Variants in GRIK4 observed in about 807,000 individuals in gnomAD.
The protein encoded by GRIK4 is glutamate ionotropic receptor kainate type subunit 4.
GRIK4 carries 40 observed loss-of-function variants against 104.9 expected under a neutral mutation model. The observed-to-expected ratio is 0.38, with a 90% CI of 0.30 to 0.50. GRIK4 has a LOEUF of 0.50. Among genes scored for constraint, GRIK4 ranks in the 20% least tolerant of loss-of-function variants. GRIK4 has a pLI of 0.93. For missense variants in GRIK4, 1,047 were observed against 1,308.1 expected (o/e 0.80, Z 3.08); for synonymous variants, 485 against 524.9 (o/e 0.92, Z 1.04).
At chr11:120,536,894 AC>A (rs2136084937) in intron 1 of GRIK4, among the ~76,000 whole-genome samples, 1 of 152,322 alleles carries the variant, frequency 6.6e-6, no homozygotes, top group Admixed American at 6.5e-5. Context: ...AGGCAGGCTG[AC>A]CACCAGCTCT....
chr11:120,687,205 G>A (rs771045463), intron 3 of GRIK4, among the ~76,000 whole-genome samples: 8 of 152,208 alleles, frequency 5.3e-5, no homozygotes, highest in Admixed American at 1.3e-4. Context: ...CCAAGGCTCA[G>A]GAGTGAAGCG....
At chr11:120,881,070 C>G (rs1380947760) in intron 11 of GRIK4, among the ~76,000 whole-genome samples, 1 of 152,180 alleles carries the variant, frequency 6.6e-6, no homozygotes, top group African/African-American at 2.4e-5. Flanking sequence ...TGCCACATCT[C>G]TCACCACTAG....
chr11:120,964,927 T>C (rs1197944456), intron 18 of GRIK4, among the ~76,000 whole-genome samples: 2 of 152,178 alleles, frequency 1.3e-5, no homozygotes, highest in Non-Finnish European at 2.9e-5. Flanking sequence ...CCAGACCATA[T>C]TGCCAATGGG....
At chr11:120,850,417 A>G (rs1274541226) in intron 8 of GRIK4, among the ~76,000 whole-genome samples, 3 of 151,992 alleles carry the variant, frequency 2.0e-5, no homozygotes. Flanking sequence ...CTCCTCTACC[A>G]TCTGGTGAAA....
chr11:120,622,300 C>T (rs565203342), intron 1 of GRIK4, among the ~76,000 whole-genome samples: 16 of 152,322 alleles, frequency 1.1e-4, no homozygotes, highest in African/African-American at 3.6e-4. Context: ...GGTACTATTA[C>T]TACCCCCATT....
At chr11:120,928,231 G>A (rs1380689368) in intron 13 of GRIK4, among the ~76,000 whole-genome samples, 11 of 84,758 alleles carry the variant, frequency 1.3e-4, no homozygotes, top group Admixed American at 1.0e-3. Context: ...AAAAAAAAAA[G>A]CTAGAAGGCG....
chr11:120,846,570 G>A (rs950978158), intron 8 of GRIK4, among the ~76,000 whole-genome samples: 4 of 152,182 alleles, frequency 2.6e-5, no homozygotes, highest in African/African-American at 9.7e-5. Context: ...GAGTGTGATG[G>A]AGAGAGGTGG....
chr11:120,797,876 G>T (rs535800563), intron 3 of GRIK4, among the ~76,000 whole-genome samples: 3 of 152,090 alleles, frequency 2.0e-5, no homozygotes, highest in African/African-American at 7.2e-5. Flanking sequence ...TATTTCCCAC[G>T]TACTCATTTT....
intron 3 of GRIK4, among the ~76,000 whole-genome samples, chr11:120,669,818 C>T (rs1034714732): frequency 3.9e-5 from 6 of 152,234 alleles, no homozygotes; most frequent in Non-Finnish European, 8.8e-5. Flanking sequence ...TGCCCACTCC[C>T]TGGTGATCTC....
chr11:120,862,350 C>T, intron 9 of GRIK4: 1 of 431,190 alleles, frequency 2.3e-6, no homozygotes, highest in East Asian at 3.6e-5. Flanking sequence ...TGAGTTGTCA[C>T]TTAGTGATGG....
chr11:120,750,251 A>G (rs935740621), intron 3 of GRIK4, among the ~76,000 whole-genome samples: 4 of 151,730 alleles, frequency 2.6e-5, no homozygotes, highest in African/African-American at 7.3e-5. Flanking sequence ...TCATTAAAAC[A>G]TGTTCACTGA....
At chr11:120,721,043 A>G (rs769027424) in intron 3 of GRIK4, among the ~76,000 whole-genome samples, 6 of 152,158 alleles carry the variant, frequency 3.9e-5, no homozygotes, top group Non-Finnish European at 4.4e-5. Flanking sequence ...ACTGAGCAGC[A>G]CCAGTCAGGG....
chr11:120,809,130 G>T (rs1173098680), intron 4 of GRIK4, among the ~76,000 whole-genome samples: 2 of 152,168 alleles, frequency 1.3e-5, no homozygotes, highest in Admixed American at 6.5e-5. Flanking sequence ...CTGTGAAGAT[G>T]CAGGAAAGGG....
At chr11:120,517,399 C>G (rs1339246460) in intron 1 of GRIK4, among the ~76,000 whole-genome samples, 1 of 148,790 alleles carries the variant, frequency 6.7e-6, no homozygotes, top group Non-Finnish European at 1.5e-5. Context: ...CAGTGTCCAG[C>G]CTCTTGGTGC....
At chr11:120,924,312 C>G (rs75733356) in intron 13 of GRIK4, among the ~76,000 whole-genome samples, 1 of 152,228 alleles carries the variant, frequency 6.6e-6, no homozygotes, top group Non-Finnish European at 1.5e-5. Flanking sequence ...CAGTCGGTAC[C>G]GTGGCAGCAG....
chr11:120,641,596 A>G (rs1949472886), intron 1 of GRIK4, among the ~76,000 whole-genome samples: 1 of 152,110 alleles, frequency 6.6e-6, no homozygotes, highest in Non-Finnish European at 1.5e-5. Context: ...GCATTTGTAA[A>G]CTGTCATGGC....
intron 1 of GRIK4, among the ~76,000 whole-genome samples, chr11:120,600,135 G>A (rs1002658357): frequency 6.6e-6 from 1 of 152,166 alleles, no homozygotes; most frequent in Non-Finnish European, 1.5e-5. Context: ...TGTGTTTGGG[G>A]AAAGGGAAAG....
At chr11:120,790,180 C>T (rs1002924487) in intron 3 of GRIK4, among the ~76,000 whole-genome samples, 3 of 152,178 alleles carry the variant, frequency 2.0e-5, no homozygotes, top group African/African-American at 7.2e-5. Context: ...TCTCTGGACA[C>T]TTTGAAAGCA....
intron 1 of GRIK4, among the ~76,000 whole-genome samples, chr11:120,573,409 A>C (rs934057898): frequency 6.6e-6 from 1 of 152,140 alleles, no homozygotes; most frequent in African/African-American, 2.4e-5. Flanking sequence ...AGCTGTTCCC[A>C]TAATGAGGAG....
Sources: gnomAD v4.1 joint callset for allele counts (sites outside exome capture counted in the v4.1 genomes callset) on GRCh38, gnomAD v4.1.1 for gene constraint, MANE v1.5 for transcripts, NCBI Gene and HGNC (gene_info 2026-07-23, HGNC 2026-07-21) for gene names.